The following PDE8B variants were observed in gnomAD, a reference collection of about 807,000 sequenced individuals.
The protein encoded by PDE8B is high affinity cAMP-specific and IBMX-insensitive 3',5'-cyclic phosphodiesterase 8B.
In PDE8B, 26 loss-of-function variants were observed where a neutral mutation model predicts 101.3. The ratio of observed to expected loss-of-function variants is 0.26; its 90% CI spans 0.19 to 0.36. The LOEUF (loss-of-function observed/expected upper bound fraction) is 0.36, where lower values mean the gene tolerates loss of function less well. Among genes scored for constraint, PDE8B ranks in the 10% least tolerant of loss-of-function variants. The pLI, the probability that PDE8B is intolerant of heterozygous loss-of-function variation, is 1.00. For missense variants in PDE8B, 810 were observed against 1,163.1 expected, an observed-to-expected ratio of 0.70 and a Z score of 4.42; for synonymous variants, 424 against 429.3, an observed-to-expected ratio of 0.99 and a Z score of 0.15.
intron 17 of PDE8B, among the ~76,000 whole-genome samples, chr5:77,416,003 C>A (rs1053353747): frequency 6.6e-6 from 1 of 152,160 alleles, no homozygotes; most frequent in South Asian, 2.1e-4. Flanking sequence ...TCGCCAGTTG[C>A]GGGTTTGGTG....
intron 10 of PDE8B, 90 bp from the exon 11 acceptor site, chr5:77,400,158 G>A (rs757246436): frequency 2.8e-5 from 25 of 903,314 alleles, no homozygotes; most frequent in Non-Finnish European, 4.5e-5. Context: ...AGTCTTCAGA[G>A]CTTTTTAACT....
intron 10 of PDE8B, among the ~76,000 whole-genome samples, chr5:77,382,513 T>C (rs1004095959): frequency 2.0e-5 from 3 of 152,158 alleles, no homozygotes; most frequent in Non-Finnish European, 4.4e-5. Flanking sequence ...ACATGTGCCA[T>C]GGTGGTTTCC....
chr5:77,391,742 G>A (rs553004523), intron 10 of PDE8B, among the ~76,000 whole-genome samples: 1 of 152,344 alleles, frequency 6.6e-6, no homozygotes, highest in African/African-American at 2.4e-5. Context: ...GAGGGGCAGA[G>A]GATACGCAAG....
At chr5:77,093,366 G>A in the PDE8B span, among the ~76,000 whole-genome samples, 1 of 152,046 alleles carries the variant, frequency 6.6e-6, no homozygotes, top group African/African-American at 2.4e-5. Flanking sequence ...TAAGGTGTTG[G>A]TATATACTTT....
At chr5:77,407,485 G>C in intron 13 of PDE8B, 28 bp downstream of exon 13, 3 of 1,514,614 alleles carry the variant, frequency 2.0e-6, no homozygotes, top group Non-Finnish European at 2.8e-6. Context: ...CCTGCACTCT[G>C]CAGTCAGGGG....
intron 2 of PDE8B, among the ~76,000 whole-genome samples, chr5:77,321,879 G>A (rs1775151905): frequency 6.6e-6 from 1 of 152,142 alleles, no homozygotes; most frequent in South Asian, 2.1e-4. Flanking sequence ...TTCAGGTATG[G>A]TAAGGCCAAC....
intron 11 of PDE8B, among the ~76,000 whole-genome samples, chr5:77,401,265 C>G (rs564876666): frequency 6.6e-6 from 1 of 152,320 alleles, no homozygotes; most frequent in Admixed American, 6.5e-5. Context: ...TTTTCTCTCT[C>G]TCCCTCACTC....
At chr5:77,377,728 G>A (rs1428608492) in intron 10 of PDE8B, among the ~76,000 whole-genome samples, 1 of 152,208 alleles carries the variant, frequency 6.6e-6, no homozygotes, top group Non-Finnish European at 1.5e-5. Flanking sequence ...ACTCACCAAT[G>A]TGGGCAGGCA....
At chr5:77,372,118 T>A (rs1785167760) in intron 10 of PDE8B, among the ~76,000 whole-genome samples, 1 of 152,162 alleles carries the variant, frequency 6.6e-6, no homozygotes, top group South Asian at 2.1e-4. Context: ...AAGAATTGCT[T>A]GAACCCAGGA....
At chr5:77,232,696 A>C (rs1461853531) in intron 1 of PDE8B, among the ~76,000 whole-genome samples, 1 of 152,172 alleles carries the variant, frequency 6.6e-6, no homozygotes, top group African/African-American at 2.4e-5. Flanking sequence ...TAAAAGGCTG[A>C]GATGAAGGTC....
At chr5:77,236,974 G>T (rs1168330255) in intron 1 of PDE8B, among the ~76,000 whole-genome samples, 1 of 152,108 alleles carries the variant, frequency 6.6e-6, no homozygotes, top group South Asian at 2.1e-4. Flanking sequence ...TTTGCTAATT[G>T]TATATTTAGT....
chr5:77,100,334 A>G, the PDE8B span: 6 of 152,340 alleles, frequency 3.9e-5, no homozygotes, highest in South Asian at 1.2e-3. Context: ...AGTTGAATGG[A>G]TGGCCAGGAT....
the PDE8B span, among the ~76,000 whole-genome samples, chr5:77,122,508 C>G: frequency 0.014 from 2,059 of 152,304 alleles, 49 homozygotes; most frequent in African/African-American, 0.046. Context: ...TCAGCAGAAC[C>G]TAGGCTCATT....
At chr5:77,199,900 C>T in the PDE8B span, among the ~76,000 whole-genome samples, 1 of 152,018 alleles carries the variant, frequency 6.6e-6, no homozygotes, top group Non-Finnish European at 1.5e-5. Context: ...GTTTTGTGTA[C>T]TTAAACTGGA....
At chr5:77,124,585 CAAAA>C in the PDE8B span, among the ~76,000 whole-genome samples, 7 of 122,422 alleles carry the variant, frequency 5.7e-5, no homozygotes, top group Non-Finnish European at 1.2e-4. Context: ...GACACTGTCT[CAAAA>C]AAAAAAAAAG....
chr5:77,353,331 A>T lies in PDE8B; in HGVS notation c.1107-15A>T, dbSNP rs370088318. 30 of 1,436,736 alleles carry T rather than the reference A, an allele frequency of 2.1e-5. No homozygotes were observed. The African/African-American group carries it at 3.9e-4, about 19-fold the overall frequency. The allele number at this position is 1,436,736 out of a possible 1,614,324, so 89.0% of individuals were successfully genotyped here. On this transcript the variant is annotated splice_polypyrimidine_tract_variant and intron_variant, in intron 9 of 21. Coordinates refer to ENST00000264917, the MANE Select transcript of PDE8B (RefSeq NM_003719.5). The stretch of plus-strand genomic sequence containing the variant: ...CTCATATCTGACTCACTAATAACTG[A>T]TTATTTGTTATTAGGAAAATTAGGC...
chr5:77,200,628 G>A, the PDE8B span, among the ~76,000 whole-genome samples: 1 of 151,996 alleles, frequency 6.6e-6, no homozygotes. Context: ...ATCTTACTAC[G>A]TGTACAGAAG....
intron 1 of PDE8B, among the ~76,000 whole-genome samples, chr5:77,263,231 G>A (rs1053791115): frequency 5.3e-5 from 8 of 152,176 alleles, no homozygotes; most frequent in Non-Finnish European, 1.0e-4. Flanking sequence ...ATACATTTTT[G>A]TAAGAGAATA....
intron 1 of PDE8B, among the ~76,000 whole-genome samples, chr5:77,218,024 C>T (rs1409382398): frequency 6.6e-6 from 1 of 152,146 alleles, no homozygotes. Flanking sequence ...GGAGAATGCA[C>T]AGAAAAGTAG....
Sources: gnomAD v4.1 joint callset for allele counts (sites outside exome capture counted in the v4.1 genomes callset) on GRCh38, gnomAD v4.1.1 for gene constraint, MANE v1.5 for transcripts, NCBI Gene and HGNC (gene_info 2026-07-23, HGNC 2026-07-21) for gene names.